Variants in NEBL observed in about 807,000 individuals in gnomAD.
NEBL encodes LIM and SH3 protein 2.
In NEBL, 122 loss-of-function variants were observed where a neutral mutation model predicts 140.2. The ratio of observed to expected loss-of-function variants is 0.87; its 90% CI spans 0.75 to 1.01. The LOEUF (loss-of-function observed/expected upper bound fraction) is 1.01, where lower values mean the gene tolerates loss of function less well. Ranked by LOEUF, NEBL falls within the 50% of genes least tolerant of loss-of-function variation. The probability of loss-of-function intolerance (pLI) is 0.00; values close to 1 mark genes in which losing one functional copy is unlikely to be tolerated. For synonymous variants in NEBL, 436 were observed against 398.9 expected, an observed-to-expected ratio of 1.09 and a Z score of -1.11; for missense variants, 1,365 against 1,231.3, an observed-to-expected ratio of 1.11 and a Z score of -1.62.
At chr10:21,106,216 C>G (rs1837711254) in intron 2 of NEBL, among the ~76,000 whole-genome samples, 1 of 152,146 alleles carries the variant, frequency 6.6e-6, no homozygotes, top group Admixed American at 6.5e-5. Flanking sequence ...TCTATTTTGG[C>G]TTTTGTTGCC....
intron 3 of NEBL, among the ~76,000 whole-genome samples, chr10:20,997,458 C>T (rs1299586889): frequency 1.3e-5 from 1 of 75,642 alleles, no homozygotes; most frequent in East Asian, 4.3e-4. Flanking sequence ...ACCAAATAAA[C>T]GCACAGTCTC....
At chr10:20,813,914 T>C (rs1231901437) in intron 23 of NEBL, 25 bp downstream of exon 23, 2 of 1,433,340 alleles carry the variant, frequency 1.4e-6, no homozygotes, top group East Asian at 2.3e-5. Flanking sequence ...TAGCATGTTT[T>C]AAGAATGATC....
chr10:21,270,771 T>G (rs993111657), intron 1 of NEBL, among the ~76,000 whole-genome samples: 2 of 152,226 alleles, frequency 1.3e-5, no homozygotes, highest in African/African-American at 4.8e-5. Context: ...TCATACTTCC[T>G]ACTATCTTAG....
chr10:21,141,994 C>T (rs1389919238), intron 2 of NEBL, among the ~76,000 whole-genome samples: 1 of 152,140 alleles, frequency 6.6e-6, no homozygotes, highest in Non-Finnish European at 1.5e-5. Flanking sequence ...AGAAGACAGG[C>T]CCTGCCCCTG....
intron 4 of NEBL, among the ~76,000 whole-genome samples, chr10:20,924,758 T>C (rs1249184200): frequency 6.6e-6 from 1 of 152,118 alleles, no homozygotes; most frequent in Non-Finnish European, 1.5e-5. Context: ...TCTGGAACAC[T>C]GTAGAGCTTC....
chr10:21,120,393 C>CACAT (rs1388036425), intron 2 of NEBL, among the ~76,000 whole-genome samples: 1 of 59,534 alleles, frequency 1.7e-5, no homozygotes, highest in African/African-American at 1.2e-4. Flanking sequence ...AAAAAAAATA[C>CACAT]ATATATATAT....
chr10:20,848,749 T>G (rs888859737), intron 11 of NEBL, among the ~76,000 whole-genome samples: 3 of 152,120 alleles, frequency 2.0e-5, no homozygotes, highest in Admixed American at 2.0e-4. Flanking sequence ...CGCCAGTCCA[T>G]GGAAAAATTG....
intron 5 of NEBL, 36 bp downstream of exon 5, chr10:20,880,758 G>T (rs1845944004): frequency 6.7e-7 from 1 of 1,489,114 alleles, no homozygotes; most frequent in Non-Finnish European, 9.4e-7. Context: ...CTTAACTACA[G>T]TTCGCTAGAA....
intron 3 of NEBL, among the ~76,000 whole-genome samples, chr10:21,201,906 C>T (rs1841743443): frequency 6.6e-6 from 1 of 152,174 alleles, no homozygotes; most frequent in Non-Finnish European, 1.5e-5. Context: ...TAAACTCTAT[C>T]AGATTTCTTT....
At chr10:20,803,812 A>T (rs1028943451) in intron 26 of NEBL, among the ~76,000 whole-genome samples, 20 of 143,586 alleles carry the variant, frequency 1.4e-4, no homozygotes, top group Admixed American at 4.2e-4. Context: ...CTGTACGAAA[A>T]ATATATATAT....
upstream of NEBL, among the ~76,000 whole-genome samples, chr10:20,899,875 G>C (rs1407930788): frequency 6.6e-6 from 1 of 152,200 alleles, no homozygotes; most frequent in African/African-American, 2.4e-5. Context: ...GCAAGCTAGA[G>C]ACACCATTAC....
intron 2 of NEBL, among the ~76,000 whole-genome samples, chr10:21,077,818 C>T (rs1343268221): frequency 6.6e-6 from 1 of 152,038 alleles, no homozygotes; most frequent in Non-Finnish European, 1.5e-5. Flanking sequence ...ATCTCTCTAC[C>T]CTGGGGTCAA....
intron 2 of NEBL, among the ~76,000 whole-genome samples, chr10:21,028,777 A>T (rs569682718): frequency 1.8e-3 from 259 of 146,976 alleles, no homozygotes; most frequent in African/African-American, 5.8e-3. Context: ...ATATAATTTA[A>T]AAAAAAAAAT....
intron 2 of NEBL, among the ~76,000 whole-genome samples, chr10:20,890,396 G>A (rs1846930781): frequency 6.6e-6 from 1 of 152,206 alleles, no homozygotes; most frequent in Non-Finnish European, 1.5e-5. Context: ...CAATTAAGAA[G>A]TAGAGGCGAA....
intron 2 of NEBL, among the ~76,000 whole-genome samples, chr10:21,141,264 A>G (rs1266099584): frequency 6.6e-6 from 1 of 152,214 alleles, no homozygotes; most frequent in Admixed American, 6.5e-5. Flanking sequence ...GACAGTATCA[A>G]TGTTAATTTC....
intron 2 of NEBL, among the ~76,000 whole-genome samples, chr10:21,158,309 T>C (rs1419576946): frequency 6.6e-6 from 1 of 152,206 alleles, no homozygotes; most frequent in Non-Finnish European, 1.5e-5. Flanking sequence ...TTGCTGACAA[T>C]TTCTCAAAGA....
chr10:21,020,017 G>A (rs1291675796), intron 3 of NEBL: 7 of 1,066,890 alleles, frequency 6.6e-6, no homozygotes, highest in Non-Finnish European at 1.0e-5. Context: ...ACACCGGCTG[G>A]TGACCCAGCA....
chr10:21,003,891 T>C (rs1271978617), intron 3 of NEBL, among the ~76,000 whole-genome samples: 3 of 152,166 alleles, frequency 2.0e-5, no homozygotes, highest in Non-Finnish European at 2.9e-5. Context: ...ATAAAAAATA[T>C]CTGAAAAACC....
rs576872071 is a variant in NEBL, at chr10:21,055,888, G to A, written c.165-35687C>T. Among the ~76,000 whole-genome samples the A allele has an allele frequency of 1.3e-4, 20 of 152,304 alleles. No individual in the cohort carries two copies. The East Asian group carries it at 2.1e-3, about 16-fold the overall frequency. On this transcript the variant is annotated intron_variant, in intron 2 of 6. Transcript: ENST00000417816. ...TGACTCCAAGTGGATGCACCACAGC[G>A]AAGCACACATTAAAATCAGCCAGAG...
Sources: gnomAD v4.1 joint callset for allele counts (sites outside exome capture counted in the v4.1 genomes callset) on GRCh38, gnomAD v4.1.1 for gene constraint, MANE v1.5 for transcripts, NCBI Gene and HGNC (gene_info 2026-07-23, HGNC 2026-07-21) for gene names.